Variants in LRRC4C observed in about 807,000 individuals in gnomAD.
LRRC4C encodes leucine-rich repeat-containing protein 4C.
Under a neutral mutation model 33.6 loss-of-function variants are expected in LRRC4C, and 5 were observed. The observed-to-expected ratio is 0.15, with a 90% CI of 0.08 to 0.31. LRRC4C has a LOEUF of 0.31. Ranked by LOEUF, LRRC4C falls within the 10% of genes least tolerant of loss-of-function variation. The pLI is 1.00. For missense variants in LRRC4C, 560 were observed against 796.7 expected (o/e 0.70, Z 3.58); for synonymous variants, 329 against 302.0 (o/e 1.09, Z -0.93).
chr11:40,573,146 G>T (rs934330154), intron 3 of LRRC4C, among the ~76,000 whole-genome samples: 2 of 152,126 alleles, frequency 1.3e-5, no homozygotes, highest in African/African-American at 2.4e-5. Flanking sequence ...TTCTTAGACT[G>T]AACTTAGATT....
At chr11:41,007,914 A>G (rs1263700303) in intron 1 of LRRC4C, among the ~76,000 whole-genome samples, 1 of 152,104 alleles carries the variant, frequency 6.6e-6, no homozygotes, top group African/African-American at 2.4e-5. Context: ...TCTGGTTCCA[A>G]TAATTAGCAG....
intron 5 of LRRC4C, among the ~76,000 whole-genome samples, chr11:40,158,790 A>G (rs943133645): frequency 3.3e-5 from 5 of 152,108 alleles, no homozygotes; most frequent in African/African-American, 7.2e-5. Flanking sequence ...CTGACATTTG[A>G]TTCTAGTCTT....
At chr11:40,190,739 C>G (rs1445699687) in intron 5 of LRRC4C, among the ~76,000 whole-genome samples, 1 of 152,074 alleles carries the variant, frequency 6.6e-6, no homozygotes, top group Non-Finnish European at 1.5e-5. Flanking sequence ...GTAAGGATTT[C>G]TTGAATAAGC....
At chr11:40,347,650 C>G (rs1947195107) in intron 3 of LRRC4C, among the ~76,000 whole-genome samples, 1 of 152,256 alleles carries the variant, frequency 6.6e-6, no homozygotes, top group East Asian at 1.9e-4. Flanking sequence ...CTCTTGTTGC[C>G]TAGGCTGGAT....
At chr11:40,321,330 A>C (rs1423517543) in intron 3 of LRRC4C, among the ~76,000 whole-genome samples, 1 of 152,230 alleles carries the variant, frequency 6.6e-6, no homozygotes, top group Non-Finnish European at 1.5e-5. Context: ...ACTTGCAAAG[A>C]TAATTTTAAA....
rs964842139 is a variant in LRRC4C at position 40,853,067 on chromosome 11, A to G, written c.-407+80568T>C. On this transcript the variant is annotated intron_variant, in intron 2 of 6. Transcript: ENST00000528697. ...CATAAGATTGTAATGGAGCTGGAAG[A>G]TGACTATCACCTAGTGATGTCACAG... is the stretch of plus-strand genomic sequence containing the variant. Among the ~76,000 whole-genome samples the G allele has an allele frequency of 1.7e-4, 26 of 152,296 alleles. No homozygotes were observed. The East Asian group carries it at 4.4e-3, about 26-fold the overall frequency.
chr11:40,619,615 A>AT (rs1962238794), intron 3 of LRRC4C, among the ~76,000 whole-genome samples: 1 of 151,488 alleles, frequency 6.6e-6, no homozygotes, highest in Admixed American at 6.6e-5. Context: ...AATTTAATAG[A>AT]TTTTTCCCTA....
rs143390542 is a variant in LRRC4C at position 40,330,582 on chromosome 11, G to A, written c.-269-10861C>T. On this transcript the variant is annotated intron_variant, in intron 3 of 6. Transcript: ENST00000528697. ...CATTGACTCACTGTTCTGCATGGCT[G>A]GGGAGGACTCAGGAAACTTACTATC... Among the ~76,000 whole-genome samples the A allele has an allele frequency of 2.8e-3, 430 of 152,222 alleles. 3 individuals carry two copies. Among genetic ancestry groups the A allele is most frequent in the African/African-American group, 9.8e-3 (406 of 41,550 alleles).
Position 40,203,763 on chromosome 11 carries a change from C to G in LRRC4C, c.-96+37756G>C, listed in dbSNP as rs183203461. Among the ~76,000 whole-genome samples, 329 of 152,242 alleles carry G rather than the reference C, an allele frequency of 2.2e-3. 3 individuals carry two copies. The highest frequency in any genetic ancestry group is 4.3e-3 in the Non-Finnish European group (291 of 68,018). On this transcript the variant is annotated intron_variant, in intron 5 of 6. Coordinates refer to ENST00000528697, the MANE Select transcript of LRRC4C (RefSeq NM_001258419.2). ...TAGATTTCAGACCGATCCAAGCTCCCTCACTAAAAATGCAGGCATTTCATC... is the reference window on the plus strand; with the variant it reads ...TAGATTTCAGACCGATCCAAGCTCCGTCACTAAAAATGCAGGCATTTCATC...
At chr11:41,391,186 C>A (rs1390842088) in intron 1 of LRRC4C, among the ~76,000 whole-genome samples, 1 of 151,744 alleles carries the variant, frequency 6.6e-6, no homozygotes, top group Non-Finnish European at 1.5e-5. Flanking sequence ...TAACATTTCT[C>A]TCTGCCCTGC....
At chr11:41,128,250 G>A (rs951276021) in intron 1 of LRRC4C, among the ~76,000 whole-genome samples, 1 of 148,440 alleles carries the variant, frequency 6.7e-6, no homozygotes, top group African/African-American at 2.5e-5. Flanking sequence ...TGGAAGTGGA[G>A]AATCTGTCAT....
At chr11:41,284,088 A>C (rs138183710) in intron 1 of LRRC4C, among the ~76,000 whole-genome samples, 1 of 152,338 alleles carries the variant, frequency 6.6e-6, no homozygotes, top group African/African-American at 2.4e-5. Flanking sequence ...TACAACTGTT[A>C]ATAATATAAC....
Position 41,128,154 on chromosome 11 carries a change from A to G in LRRC4C, c.-495-194431T>C, listed in dbSNP as rs542163847. ...TGGGAAACCAAATAATTAGAAGACT[A>G]TAATGAGTATCATTCAGGCCTTCAA... On this transcript the variant is annotated intron_variant, in intron 1 of 6. Coordinates refer to ENST00000528697, the MANE Select transcript of LRRC4C (RefSeq NM_001258419.2). Among the ~76,000 whole-genome samples, 22 of 152,220 alleles carry G rather than the reference A, an allele frequency of 1.4e-4. No homozygotes were observed. In the South Asian group the frequency reaches 3.9e-3, roughly 27 times the overall value.
At chr11:40,299,371 C>T (rs756383223) in intron 4 of LRRC4C, among the ~76,000 whole-genome samples, 1 of 152,196 alleles carries the variant, frequency 6.6e-6, no homozygotes, top group Non-Finnish European at 1.5e-5. Flanking sequence ...CTATCAGATT[C>T]CTGCGTGGAC....
intron 1 of LRRC4C, among the ~76,000 whole-genome samples, chr11:40,956,124 A>G (rs1958944376): frequency 6.6e-6 from 1 of 151,808 alleles, no homozygotes; most frequent in Non-Finnish European, 1.5e-5. Flanking sequence ...GCAATGGAAC[A>G]ACGTATATCT....
intron 4 of LRRC4C, among the ~76,000 whole-genome samples, chr11:40,284,070 A>G (rs1943671590): frequency 6.6e-6 from 1 of 152,196 alleles, no homozygotes; most frequent in African/African-American, 2.4e-5. Flanking sequence ...TAACAATAGT[A>G]AGAGCTATCA....
At chr11:40,850,565 C>G (rs1055636429) in intron 2 of LRRC4C, among the ~76,000 whole-genome samples, 1 of 152,114 alleles carries the variant, frequency 6.6e-6, no homozygotes, top group Non-Finnish European at 1.5e-5. Context: ...TCTGTCGACC[C>G]CTGCTGGGAG....
chr11:40,777,172 T>C (rs575200192), intron 2 of LRRC4C, among the ~76,000 whole-genome samples: 214 of 152,332 alleles, frequency 1.4e-3, no homozygotes, highest in Admixed American at 2.4e-3. Flanking sequence ...GTATGTTCCA[T>C]GTGCACGTAA....
intron 3 of LRRC4C, among the ~76,000 whole-genome samples, chr11:40,554,630 A>G (rs1957257719): frequency 6.7e-6 from 1 of 150,234 alleles, no homozygotes; most frequent in Non-Finnish European, 1.5e-5. Context: ...GTCATCTATG[A>G]TTTCTTTCAG....
Sources: allele counts gnomAD v4.1 joint callset (sites outside exome capture counted in the v4.1 genomes callset), GRCh38; gene constraint gnomAD v4.1.1; transcripts MANE v1.5; gene names NCBI Gene and HGNC (gene_info 2026-07-23, HGNC 2026-07-21).